The following LCT variants were observed in gnomAD, a reference collection of about 807,000 sequenced individuals.
The protein encoded by LCT is lactase/phlorizin hydrolase.
A neutral mutation model predicts 173.0 loss-of-function variants in LCT; 90 were observed. That is an observed-to-expected ratio of 0.52 (90% CI 0.44 to 0.62). The LOEUF is 0.62. Ranked by LOEUF, LCT falls within the 20% of genes least tolerant of loss-of-function variation. LCT has a pLI of 0.00. For synonymous variants in LCT, 853 were observed against 957.6 expected, an observed-to-expected ratio of 0.89 and a Z score of 2.02; for missense variants, 1,864 against 2,431.4, an observed-to-expected ratio of 0.77 and a Z score of 4.91.
intron 1 of LCT, among the ~76,000 whole-genome samples, chr2:135,835,976 GTATATATATA>G (rs745860913): frequency 5.0e-5 from 4 of 80,480 alleles, no homozygotes; most frequent in African/African-American, 2.7e-4. Context: ...ATACATGTGT[GTATATATATA>G]TATATATATA....
In LCT at chr2:135,818,123, C is replaced by T. The variant is rs548452813; in HGVS notation, c.987-62G>A. On this transcript the variant is annotated intron_variant, in intron 5 of 16. Transcript: ENST00000264162. ...GAATGACGCTGGCAGTTACAAATGC[C>T]CCCTACGGATGACTACTGTGTTTAA... is the stretch of plus-strand genomic sequence containing the variant. 4.4e-6 allele frequency: 7 copies of T among 1,592,930 alleles called. No homozygotes were observed. The African/African-American group carries it at 5.4e-5, about 12-fold the overall frequency.
intron 6 of LCT, among the ~76,000 whole-genome samples, chr2:135,816,823 A>G (rs2077784246): frequency 1.3e-5 from 2 of 152,190 alleles, no homozygotes; most frequent in South Asian, 4.1e-4. Flanking sequence ...TAACTATTAT[A>G]TTTTAAAAGT....
intron 5 of LCT, among the ~76,000 whole-genome samples, chr2:135,818,842 A>G (rs570487894): frequency 6.6e-6 from 1 of 152,366 alleles, no homozygotes; most frequent in African/African-American, 2.4e-5. Context: ...CGTCTAAAAA[A>G]AGAAAAAGAA....
chr2:135,821,660 TG>T, intron 5 of LCT: 1 of 282,676 alleles, frequency 3.5e-6, no homozygotes. Context: ...TTTGTATTTT[TG>T]TAATTTTTTG....
intron 2 of LCT, among the ~76,000 whole-genome samples, chr2:135,832,039 A>G (rs1165436493): frequency 6.6e-6 from 1 of 152,088 alleles, no homozygotes; most frequent in African/African-American, 2.4e-5. Flanking sequence ...CAACATGGTG[A>G]AACCCCATCT....
intron 6 of LCT, among the ~76,000 whole-genome samples, chr2:135,817,068 G>A (rs578229792): frequency 1.4e-4 from 21 of 151,994 alleles, no homozygotes; most frequent in Admixed American, 9.8e-4. Flanking sequence ...ACAAGATTTC[G>A]CCATGTTGCC....
At chr2:135,831,037 T>G (rs895729555) in intron 2 of LCT, among the ~76,000 whole-genome samples, 1 of 152,256 alleles carries the variant, frequency 6.6e-6, no homozygotes, top group African/African-American at 2.4e-5. Context: ...GGACTTCGGA[T>G]GCCTGTGCAG....
chr2:135,833,246 G>T, intron 1 of LCT, 56 bp from the exon 2 acceptor site: 2 of 1,226,198 alleles, frequency 1.6e-6, no homozygotes, highest in Non-Finnish European at 1.2e-6. Context: ...GGCTCTGACT[G>T]TGGAAACCAC....
intron 14 of LCT, among the ~76,000 whole-genome samples, chr2:135,793,117 C>G (rs2077546225): frequency 6.6e-6 from 1 of 152,224 alleles, no homozygotes; most frequent in South Asian, 2.1e-4. Context: ...ACCAGAGGTC[C>G]TGAGTCTGTC....
At chr2:135,831,895 C>T (rs570881481) in intron 2 of LCT, among the ~76,000 whole-genome samples, 7 of 152,140 alleles carry the variant, frequency 4.6e-5, no homozygotes, top group African/African-American at 1.7e-4. Context: ...CTGTTCACTT[C>T]CCAGATTATT....
intron 13 of LCT, among the ~76,000 whole-genome samples, chr2:135,797,277 A>G (rs917442247): frequency 1.3e-5 from 2 of 152,042 alleles, no homozygotes; most frequent in African/African-American, 4.8e-5. Context: ...CCTCAGCTGG[A>G]CTATATGGGG....
chr2:135,818,013 C>T lies in LCT; in HGVS notation c.1035G>A (p.Gln345=). ...AGGAGTCCGTGGTCTCGTGGTCCTG[C>T]TGCTGGTCAGGCTGAAGGGCCAGGC... ...TGSLALQPDQ[Q]QDHETTDSSP... Residue 345 remains glutamine (Q), a synonymous_variant, in exon 6 of 17, where the codon CAG becomes CAA. Coordinates refer to ENST00000264162, the MANE Select transcript of LCT (RefSeq NM_002299.4). 1 of 1,613,412 alleles carries T rather than the reference C, an allele frequency of 6.2e-7. No homozygotes were observed. The highest frequency in any genetic ancestry group is 8.5e-7 in the Non-Finnish European group (1 of 1,180,010).
At chr2:135,828,234 A>G (rs1254063727) in intron 3 of LCT, among the ~76,000 whole-genome samples, 1 of 152,176 alleles carries the variant, frequency 6.6e-6, no homozygotes, top group Non-Finnish European at 1.5e-5. Flanking sequence ...CATGTTGGCC[A>G]GGATGGTCTT....
intron 1 of LCT, among the ~76,000 whole-genome samples, chr2:135,834,946 A>G (rs1178884013): frequency 6.6e-6 from 1 of 151,860 alleles, no homozygotes; most frequent in Non-Finnish European, 1.5e-5. Context: ...GTCAGAGAGT[A>G]ATTTTATAAC....
At chr2:135,799,460 C>A (rs1052259974) in intron 12 of LCT, among the ~76,000 whole-genome samples, 10 of 151,760 alleles carry the variant, frequency 6.6e-5, no homozygotes, top group African/African-American at 2.4e-4. Context: ...TAAAGGTAGG[C>A]CATGCTGGCA....
chr2:135,826,435 G>A (rs537688158), intron 3 of LCT, among the ~76,000 whole-genome samples: 15 of 151,678 alleles, frequency 9.9e-5, no homozygotes, highest in African/African-American at 3.6e-4. Context: ...GCATGGTGGC[G>A]GGCACCTGTA....
chr2:135,825,803 T>C (rs1370802579), intron 3 of LCT, among the ~76,000 whole-genome samples: 2 of 152,126 alleles, frequency 1.3e-5, no homozygotes, highest in African/African-American at 2.4e-5. Context: ...TGCTCCTCCC[T>C]GCCCTGCTTT....
intron 3 of LCT, among the ~76,000 whole-genome samples, chr2:135,826,749 A>G (rs1404493967): frequency 1.3e-5 from 2 of 152,156 alleles, no homozygotes; most frequent in African/African-American, 2.4e-5. Context: ...TAATTCCATG[A>G]GGAGGACAAA....
In LCT at chr2:135,817,851, T is replaced by G; in HGVS notation, c.1197A>C (p.Gly399=). The G allele has an allele frequency of 6.2e-7, 1 of 1,613,996 alleles. No homozygotes were observed. Among genetic ancestry groups the G allele is most frequent in the South Asian group, 1.1e-5 (1 of 91,086 alleles). ...GASTGAFNVE[G]GWAEGGRGVS... ...CCCCTCTCCCACCCTCGGCCCAGCC[T>G]CCTTCCACGTTAAAGGCTCCTGTGG... is the stretch of plus-strand genomic sequence containing the variant. Residue 399 remains glycine (G), a synonymous_variant, in exon 6 of 17, where the codon GGA becomes GGC. Transcript: ENST00000264162.
Sources: allele counts gnomAD v4.1 joint callset (sites outside exome capture counted in the v4.1 genomes callset), GRCh38; gene constraint gnomAD v4.1.1; transcripts MANE v1.5; gene names NCBI Gene and HGNC (gene_info 2026-07-23, HGNC 2026-07-21).